SLC12A8: variants seen among roughly 807,000 people sequenced by gnomAD.
The protein encoded by SLC12A8 is cation-chloride cotransporter 9.
SLC12A8 carries 69 observed loss-of-function variants against 75.6 expected under a neutral mutation model. The observed-to-expected ratio is 0.91, with a 90% CI of 0.75 to 1.11. SLC12A8 has a LOEUF of 1.11. SLC12A8 is among the 50% of genes most tolerant of loss of function. The pLI is 0.00. For missense variants in SLC12A8, 877 were observed against 896.7 expected (o/e 0.98, Z 0.28); for synonymous variants, 365 against 372.8 (o/e 0.98, Z 0.24).
At chr3:125,146,809 T>G (rs1397914553) in intron 5 of SLC12A8, among the ~76,000 whole-genome samples, 3 of 152,176 alleles carry the variant, frequency 2.0e-5, no homozygotes, top group Non-Finnish European at 4.4e-5. Context: ...CCAGCTAAGT[T>G]TGTACATTTT....
At chr3:125,110,475 TC>T in intron 8 of SLC12A8, 140 bp from the exon 9 acceptor site, 1 of 713,990 alleles carries the variant, frequency 1.4e-6, no homozygotes, top group East Asian at 2.8e-5. Flanking sequence ...AGTTTCCACA[TC>T]CCCAGCCTCG....
intron 5 of SLC12A8, among the ~76,000 whole-genome samples, chr3:125,141,808 T>C (rs1233807184): frequency 1.3e-5 from 2 of 148,644 alleles, no homozygotes; most frequent in Non-Finnish European, 3.0e-5. Context: ...GAATGGACAA[T>C]GGGAGAGGCT....
At chr3:125,111,139 G>T (rs966486425) in intron 8 of SLC12A8, among the ~76,000 whole-genome samples, 1 of 152,118 alleles carries the variant, frequency 6.6e-6, no homozygotes, top group Admixed American at 6.5e-5. Context: ...ACCTATCGTG[G>T]TGCCCCCTCC....
intron 9 of SLC12A8, 104 bp downstream of exon 9, chr3:125,110,085 A>T (rs1939148737): frequency 1.6e-6 from 2 of 1,220,248 alleles, no homozygotes; most frequent in Middle Eastern, 2.0e-4. Flanking sequence ...AAAGAAATTG[A>T]CCAGAGGCTC....
intron 5 of SLC12A8, among the ~76,000 whole-genome samples, chr3:125,142,704 T>TA (rs1012571270): frequency 3.3e-5 from 5 of 152,248 alleles, no homozygotes; most frequent in African/African-American, 1.2e-4. Context: ...CCAGCCTTCC[T>TA]AATGAGCTCC....
Position 125,120,649 on chromosome 3 carries a change from C to T in SLC12A8, c.774G>A (p.Arg258=), listed in dbSNP as rs373675026. 6.2e-7 allele frequency: 1 copy of T among 1,613,712 alleles called. No homozygotes were observed. The highest frequency in any genetic ancestry group is 1.3e-5 in the African/African-American group (1 of 75,034). ...CCAGGGGAATGCTGGCGGCAGGCTC[C>T]CTGAGGTCGCCCCCCATGTTGAAGC... ...MAGFNMGGDL[R]EPAASIPLGS... is the part of the protein sequence containing the mutation. The change falls in exon 7 of 14, where the codon AGG becomes AGA. Residue 258 remains arginine (R), a synonymous_variant. Coordinates refer to ENST00000469902, the MANE Select transcript of SLC12A8 (RefSeq NM_024628.6).
In SLC12A8 at chr3:125,099,195, G is replaced by C. The variant is rs182827116; in HGVS notation, c.1706-6997C>G. ...AGCCTTAAGGGCTATGCAGACACAG[G>C]GGGCAACTCCTAGGAAGCAAGGCTA... On this transcript the variant is annotated intron_variant, in intron 10 of 13. Transcript: ENST00000469902. Among the ~76,000 whole-genome samples the C allele has an allele frequency of 2.8e-3, 424 of 151,980 alleles. 1 individual carries two copies. Among genetic ancestry groups the C allele is most frequent in the Non-Finnish European group, 4.9e-3 (333 of 67,884 alleles).
chr3:125,181,802 A>G (rs1934669010), intron 4 of SLC12A8, among the ~76,000 whole-genome samples: 1 of 151,874 alleles, frequency 6.6e-6, no homozygotes, highest in Non-Finnish European at 1.5e-5. Context: ...AATTAAATAG[A>G]TAAGCCTCTG....
intron 6 of SLC12A8, among the ~76,000 whole-genome samples, chr3:125,128,479 C>CTTT (rs34392392): frequency 9.1e-6 from 1 of 109,832 alleles, no homozygotes. Context: ...CGCGCCCGGC[C>CTTT]TTTTTTTTTT....
chr3:125,147,258 G>A lies in SLC12A8; in HGVS notation c.623-11476C>T, dbSNP rs139044006. On this transcript the variant is annotated intron_variant, in intron 5 of 13. Coordinates refer to ENST00000469902, the MANE Select transcript of SLC12A8 (RefSeq NM_024628.6). ...CATTTAACCTGCGGTGCCACTAAATGAGAGCCGGCCTTGAGTGAGTGTGCC... is the reference window on the plus strand; with the variant it reads ...CATTTAACCTGCGGTGCCACTAAATAAGAGCCGGCCTTGAGTGAGTGTGCC... Among the ~76,000 whole-genome samples the A allele has an allele frequency of 8.5e-5, 13 of 152,342 alleles. No homozygotes were observed. The East Asian group carries it at 2.1e-3, about 25-fold the overall frequency.
chr3:125,092,271 T>C (rs1179432570), intron 10 of SLC12A8, 73 bp from the exon 11 acceptor site: 2 of 990,474 alleles, frequency 2.0e-6, no homozygotes, highest in Non-Finnish European at 3.1e-6. Flanking sequence ...AATATACCTA[T>C]GAGCTCCTCT....
At chr3:125,157,315 G>GCTC (rs1223262615) in intron 5 of SLC12A8, among the ~76,000 whole-genome samples, 6 of 152,238 alleles carry the variant, frequency 3.9e-5, no homozygotes, top group African/African-American at 1.2e-4. Flanking sequence ...AAATACAGAT[G>GCTC]CTCCTTGACT....
chr3:125,129,668 G>A (rs1459284253), intron 6 of SLC12A8, among the ~76,000 whole-genome samples: 1 of 152,196 alleles, frequency 6.6e-6, no homozygotes, highest in South Asian at 2.1e-4. Flanking sequence ...CAGTCTGGAG[G>A]TTCTCTTGTT....
chr3:125,122,743 G>A (rs571810169), intron 6 of SLC12A8, among the ~76,000 whole-genome samples: 24 of 152,280 alleles, frequency 1.6e-4, no homozygotes, highest in African/African-American at 5.8e-4. Context: ...GACAGCTGGG[G>A]AAATCCATGC....
chr3:125,163,720 T>C (rs2107779361), intron 5 of SLC12A8, among the ~76,000 whole-genome samples: 1 of 152,352 alleles, frequency 6.6e-6, no homozygotes, highest in African/African-American at 2.4e-5. Context: ...GATCCCTTCA[T>C]ACTGCTGATT....
At chr3:125,142,710 G>T (rs1400491363) in intron 5 of SLC12A8, among the ~76,000 whole-genome samples, 9 of 152,222 alleles carry the variant, frequency 5.9e-5, no homozygotes, top group Admixed American at 5.9e-4. Context: ...TTCCTAATGA[G>T]CTCCCCGGAG....
intron 3 of SLC12A8, among the ~76,000 whole-genome samples, chr3:125,188,563 A>C (rs902372349): frequency 9.2e-5 from 14 of 152,244 alleles, no homozygotes; most frequent in Admixed American, 1.3e-4. Flanking sequence ...TTCAGTGTGA[A>C]AAGCAAGAGT....
Position 125,177,969 on chromosome 3 carries a change from AAC to A in SLC12A8, c.394_395del (p.Val132CysfsTer11). ...AGCCGGTGATATACATGGCACCTGCAACACACTGACATGCGATTCCAGGTAGA... is the reference window on the plus strand; with the variant it reads ...AGCCGGTGATATACATGGCACCTGCAACACTGACATGCGATTCCAGGTAGA... ...IGLLYVFGQCVAGAMYITGFA... is the reference protein window; with the variant it reads ...IGLLYVFGQCXAGAMYITGFA... On this transcript the variant is annotated frameshift_variant, in exon 5 of 14. Coordinates refer to ENST00000469902, the MANE Select transcript of SLC12A8 (RefSeq NM_024628.6). LOFTEE classifies it high-confidence loss of function. 1 of 1,612,086 alleles carries A rather than the reference AAC, an allele frequency of 6.2e-7. No homozygotes were observed. The highest frequency in any genetic ancestry group is 2.2e-5 in the East Asian group (1 of 44,886).
intron 6 of SLC12A8, among the ~76,000 whole-genome samples, chr3:125,125,669 C>T (rs756625111): frequency 6.6e-6 from 1 of 152,158 alleles, no homozygotes; most frequent in Non-Finnish European, 1.5e-5. Flanking sequence ...GATGAGGCAA[C>T]GGAGGCCCAA....
Sources: gnomAD v4.1 joint callset for allele counts (sites outside exome capture counted in the v4.1 genomes callset) on GRCh38, gnomAD v4.1.1 for gene constraint, MANE v1.5 for transcripts, NCBI Gene and HGNC (gene_info 2026-07-23, HGNC 2026-07-21) for gene names.